ADGRB3: variants seen among roughly 807,000 people sequenced by gnomAD.
ADGRB3 encodes adhesion G protein-coupled receptor B3.
Under a neutral mutation model 193.4 loss-of-function variants are expected in ADGRB3, and 37 were observed. The ratio of observed to expected loss-of-function variants is 0.19; its 90% CI spans 0.15 to 0.25. The LOEUF (loss-of-function observed/expected upper bound fraction) is 0.25. Among genes scored for constraint, ADGRB3 ranks in the 10% least tolerant of loss-of-function variants. The pLI, the probability that ADGRB3 is intolerant of heterozygous loss-of-function variation, is 1.00. For synonymous variants in ADGRB3, 690 were observed against 644.2 expected, an observed-to-expected ratio of 1.07 and a Z score of -1.08; for missense variants, 1,637 against 1,852.9, an observed-to-expected ratio of 0.88 and a Z score of 2.14.
intron 17 of ADGRB3, among the ~76,000 whole-genome samples, chr6:69,180,864 TG>T (rs1372537958): frequency 6.6e-6 from 1 of 152,192 alleles, no homozygotes; most frequent in Non-Finnish European, 1.5e-5. Flanking sequence ...ACAGAATGGC[TG>T]ATTTTGTATG....
At chr6:69,057,743 C>G (rs932329340) in intron 15 of ADGRB3, among the ~76,000 whole-genome samples, 1 of 151,882 alleles carries the variant, frequency 6.6e-6, no homozygotes, top group Non-Finnish European at 1.5e-5. Context: ...CTGATTGATT[C>G]TCATTTGTGG....
chr6:69,313,633 T>A (rs1279018527), intron 20 of ADGRB3, among the ~76,000 whole-genome samples: 4 of 151,694 alleles, frequency 2.6e-5, no homozygotes, highest in Non-Finnish European at 5.9e-5. Flanking sequence ...GGAAAGGATA[T>A]CTAAACACAC....
At chr6:68,908,068 TTAA>T (rs1458144800) in intron 3 of ADGRB3, among the ~76,000 whole-genome samples, 2 of 151,962 alleles carry the variant, frequency 1.3e-5, no homozygotes, top group East Asian at 3.9e-4. Flanking sequence ...GATCTTAATA[TTAA>T]TGTTTACAAT....
intron 8 of ADGRB3, among the ~76,000 whole-genome samples, chr6:68,960,317 A>G (rs940074340): frequency 6.6e-6 from 1 of 152,210 alleles, no homozygotes; most frequent in African/African-American, 2.4e-5. Context: ...TAAGTCAGCC[A>G]TATCATAAAT....
At chr6:69,277,289 G>A (rs948336828) in intron 20 of ADGRB3, among the ~76,000 whole-genome samples, 4 of 152,004 alleles carry the variant, frequency 2.6e-5, no homozygotes, top group African/African-American at 7.2e-5. Flanking sequence ...CATGGCGCCT[G>A]GCCCACTCTA....
chr6:68,809,857 G>T (rs1266448514), intron 3 of ADGRB3, among the ~76,000 whole-genome samples: 2 of 152,100 alleles, frequency 1.3e-5, no homozygotes, highest in African/African-American at 4.8e-5. Context: ...AGTATATTAT[G>T]CAAATCAAGA....
intron 20 of ADGRB3, among the ~76,000 whole-genome samples, chr6:69,287,228 G>A (rs75318683): frequency 0.032 from 4,909 of 152,168 alleles, 247 homozygotes; most frequent in African/African-American, 0.11. Context: ...TTCAATTTCT[G>A]AGTCCACTCT....
At chr6:68,970,080 A>G (rs971004082) in intron 8 of ADGRB3, among the ~76,000 whole-genome samples, 2 of 152,110 alleles carry the variant, frequency 1.3e-5, no homozygotes, top group Non-Finnish European at 2.9e-5. Flanking sequence ...TGCCTGGAGC[A>G]TTTATTGTAC....
chr6:68,824,987 T>C (rs2127381618), intron 3 of ADGRB3, among the ~76,000 whole-genome samples: 1 of 152,138 alleles, frequency 6.6e-6, no homozygotes, highest in East Asian at 1.9e-4. Flanking sequence ...CAGGAGTAGC[T>C]GGGACTTCAG....
intron 20 of ADGRB3, among the ~76,000 whole-genome samples, chr6:69,264,509 TCTC>T (rs1766995783): frequency 6.6e-6 from 1 of 151,930 alleles, no homozygotes; most frequent in East Asian, 1.9e-4. Context: ...GTCTTTCTCA[TCTC>T]CTTTTTTTTT....
At chr6:69,140,202 A>G (rs894224018) in intron 17 of ADGRB3, among the ~76,000 whole-genome samples, 4 of 152,384 alleles carry the variant, frequency 2.6e-5, no homozygotes, top group African/African-American at 9.6e-5. Flanking sequence ...CTCTGAATTC[A>G]AAAGTCTCTA....
chr6:69,379,741 A>G (rs956854624), intron 30 of ADGRB3, among the ~76,000 whole-genome samples: 1 of 152,028 alleles, frequency 6.6e-6, no homozygotes, highest in Non-Finnish European at 1.5e-5. Flanking sequence ...TACTTCTGCC[A>G]GAACTCCAGG....
chr6:68,792,997 G>A (rs1250020930), intron 3 of ADGRB3, among the ~76,000 whole-genome samples: 4 of 151,618 alleles, frequency 2.6e-5, no homozygotes, highest in African/African-American at 7.3e-5. Flanking sequence ...CTGTTTTTTC[G>A]GCACTTCCTG....
chr6:69,199,446 C>A (rs1261869749), intron 17 of ADGRB3, among the ~76,000 whole-genome samples: 1 of 152,006 alleles, frequency 6.6e-6, no homozygotes, highest in Non-Finnish European at 1.5e-5. Flanking sequence ...TGAGATAACT[C>A]ATTTAAAGCA....
intron 17 of ADGRB3, among the ~76,000 whole-genome samples, chr6:69,170,078 A>G (rs1221742895): frequency 6.6e-6 from 1 of 152,172 alleles, no homozygotes; most frequent in Non-Finnish European, 1.5e-5. Flanking sequence ...GAAGTTTTGC[A>G]TAGATTTTCT....
At chr6:68,658,782 G>T (rs908123443) in intron 3 of ADGRB3, among the ~76,000 whole-genome samples, 12 of 145,164 alleles carry the variant, frequency 8.3e-5, no homozygotes, top group Admixed American at 2.8e-4. Context: ...TAATTACCTT[G>T]AACTTTACTT....
At chr6:68,825,754 C>T (rs1767831238) in intron 3 of ADGRB3, among the ~76,000 whole-genome samples, 1 of 152,188 alleles carries the variant, frequency 6.6e-6, no homozygotes, top group Admixed American at 6.5e-5. Context: ...GGCACTTCTT[C>T]CTCCTGCTGC....
At chr6:68,797,534 T>A (rs1767234829) in intron 3 of ADGRB3, among the ~76,000 whole-genome samples, 3 of 151,982 alleles carry the variant, frequency 2.0e-5, no homozygotes, top group Admixed American at 6.6e-5. Flanking sequence ...CTTTGGAAAG[T>A]AGGGAAGTCC....
chr6:68,997,488 C>CAAAAAAAAAAAA (rs748557247), intron 11 of ADGRB3, among the ~76,000 whole-genome samples: 46 of 52,002 alleles, frequency 8.8e-4, no homozygotes, highest in African/African-American at 1.3e-3. Flanking sequence ...ACTAAAAATA[C>CAAAAAAAAAAAA]AAAAAAAAAA....
Sources: gnomAD v4.1 joint callset for allele counts (sites outside exome capture counted in the v4.1 genomes callset) on GRCh38, gnomAD v4.1.1 for gene constraint, MANE v1.5 for transcripts, NCBI Gene and HGNC (gene_info 2026-07-23, HGNC 2026-07-21) for gene names.